STXBP5L: variants seen among roughly 807,000 people sequenced by gnomAD.
STXBP5L encodes the protein syntaxin binding protein 5L.
STXBP5L carries 65 observed loss-of-function variants against 144.5 expected under a neutral mutation model. The ratio of observed to expected loss-of-function variants is 0.45; its 90% CI spans 0.37 to 0.55. The LOEUF is 0.55. Ranked by LOEUF, STXBP5L falls within the 20% of genes least tolerant of loss-of-function variation. The pLI is 0.00. For synonymous variants in STXBP5L, 505 were observed against 469.6 expected, an observed-to-expected ratio of 1.08 and a Z score of -0.97; for missense variants, 1,298 against 1,405.5, an observed-to-expected ratio of 0.92 and a Z score of 1.22.
chr3:120,922,998 C>CT (rs1355649708), intron 2 of STXBP5L, among the ~76,000 whole-genome samples: 1 of 151,690 alleles, frequency 6.6e-6, no homozygotes, highest in Non-Finnish European at 1.5e-5. Context: ...TGGTGGGAGA[C>CT]TTTTTATTAC....
At chr3:121,190,715 G>A (rs185159378) in intron 9 of STXBP5L, among the ~76,000 whole-genome samples, 28 of 145,320 alleles carry the variant, frequency 1.9e-4, no homozygotes, top group African/African-American at 3.9e-4. Context: ...GCGGCTGGCC[G>A]GGCGGGGGCT....
chr3:121,210,853 G>A (rs2048534290), intron 10 of STXBP5L, among the ~76,000 whole-genome samples: 1 of 152,190 alleles, frequency 6.6e-6, no homozygotes, highest in Non-Finnish European at 1.5e-5. Flanking sequence ...ATAGTTTGAA[G>A]TCAAGTAGTG....
chr3:121,371,021 T>C (rs1053001173), intron 20 of STXBP5L, among the ~76,000 whole-genome samples: 2 of 152,210 alleles, frequency 1.3e-5, no homozygotes, highest in Non-Finnish European at 2.9e-5. Context: ...TTCAGCCATC[T>C]CAGCCCAGTT....
chr3:121,062,413 C>T (rs2041329246), intron 5 of STXBP5L, among the ~76,000 whole-genome samples: 1 of 152,130 alleles, frequency 6.6e-6, no homozygotes, highest in Non-Finnish European at 1.5e-5. Flanking sequence ...TTCTCAGTGG[C>T]TGAAGGAAAA....
Position 121,078,626 on chromosome 3 carries a change from A to T in STXBP5L, c.470+33091A>T, listed in dbSNP as rs542011815. ...GCTTGGGCCACACAGGAGCCCACGG[A>T]GTGGGGGAGGCTCAGGCATGGCCAG... On this transcript the variant is annotated intron_variant, in intron 5 of 26. Transcript: ENST00000471454. 2.5e-3 allele frequency among the ~76,000 whole-genome samples: 380 copies of T among 152,302 alleles called. 2 individuals carry two copies. Among genetic ancestry groups the T allele is most frequent in the Non-Finnish European group, 3.9e-3 (262 of 68,010 alleles).
chr3:121,318,931 C>T (rs1038727223), intron 20 of STXBP5L, among the ~76,000 whole-genome samples: 2 of 152,028 alleles, frequency 1.3e-5, no homozygotes, highest in African/African-American at 4.8e-5. Flanking sequence ...GATACCATTC[C>T]TCTAGACCAC....
intron 5 of STXBP5L, among the ~76,000 whole-genome samples, chr3:121,113,854 A>G (rs939995615): frequency 2.0e-5 from 3 of 151,360 alleles, no homozygotes; most frequent in African/African-American, 7.3e-5. Flanking sequence ...TTGTATTTTT[A>G]GTAGAGTCGG....
intron 9 of STXBP5L, among the ~76,000 whole-genome samples, chr3:121,175,871 A>T (rs918031949): frequency 2.0e-5 from 3 of 151,364 alleles, no homozygotes; most frequent in Non-Finnish European, 4.4e-5. Flanking sequence ...AAAAAAAAAG[A>T]TATAGCTTAC....
chr3:121,371,234 G>A (rs1576306284), intron 20 of STXBP5L, among the ~76,000 whole-genome samples: 1 of 152,056 alleles, frequency 6.6e-6, no homozygotes, highest in East Asian at 1.9e-4. Context: ...GGTATAATAT[G>A]GGCCCAGCTA....
At chr3:121,109,124 G>T (rs1467670408) in intron 5 of STXBP5L, among the ~76,000 whole-genome samples, 2 of 151,940 alleles carry the variant, frequency 1.3e-5, no homozygotes, top group Non-Finnish European at 2.9e-5. Flanking sequence ...GTATCAATTT[G>T]ATTCTTCCGT....
At chr3:121,079,319 A>T (rs949511555) in intron 5 of STXBP5L, among the ~76,000 whole-genome samples, 6 of 152,234 alleles carry the variant, frequency 3.9e-5, no homozygotes, top group African/African-American at 1.2e-4. Context: ...CTTGAGAGAA[A>T]CATGTCTTGC....
chr3:121,142,971 C>G lies in STXBP5L; in HGVS notation c.670-9506C>G, dbSNP rs184191400. Among the ~76,000 whole-genome samples the G allele has an allele frequency of 1.3e-4, 19 of 151,750 alleles. No homozygotes were observed. In the East Asian group the frequency reaches 3.7e-3, roughly 29 times the overall value. ...AGATCAACAAAATTGACAAACTCAG[C>G]TACACTAAGTAAAAAAGATTTAAAA... On this transcript the variant is annotated intron_variant, in intron 7 of 26. Coordinates refer to ENST00000471454, the MANE Select transcript of STXBP5L (RefSeq NM_001308330.2).
At chr3:121,081,345 G>A (rs1291441596) in intron 5 of STXBP5L, among the ~76,000 whole-genome samples, 1 of 152,004 alleles carries the variant, frequency 6.6e-6, no homozygotes, top group Non-Finnish European at 1.5e-5. Flanking sequence ...CTTGAATTTA[G>A]TTTTGATTGG....
chr3:121,123,608 C>T (rs984851353), intron 7 of STXBP5L, among the ~76,000 whole-genome samples: 1 of 150,058 alleles, frequency 6.7e-6, no homozygotes, highest in Non-Finnish European at 1.5e-5. Flanking sequence ...TCTGGGAGAA[C>T]ACTAAAGATT....
intron 20 of STXBP5L, among the ~76,000 whole-genome samples, chr3:121,325,777 G>C (rs1293716349): frequency 6.6e-6 from 1 of 151,716 alleles, no homozygotes; most frequent in East Asian, 1.9e-4. Context: ...AAGCAAACAA[G>C]GTATTTTTCA....
At chr3:121,272,130 G>A (rs895799443) in intron 18 of STXBP5L, among the ~76,000 whole-genome samples, 10 of 152,248 alleles carry the variant, frequency 6.6e-5, no homozygotes, top group African/African-American at 1.9e-4. Flanking sequence ...GTATGTGTCC[G>A]TTAGATCCAT....
intron 3 of STXBP5L, among the ~76,000 whole-genome samples, chr3:121,015,253 A>C (rs1945060782): frequency 6.6e-6 from 1 of 152,216 alleles, no homozygotes; most frequent in African/African-American, 2.4e-5. Context: ...TGGCTTAATA[A>C]TTTTAAAAAT....
At chr3:121,039,842 A>AT (rs1020814503) in intron 3 of STXBP5L, among the ~76,000 whole-genome samples, 6 of 151,418 alleles carry the variant, frequency 4.0e-5, no homozygotes, top group African/African-American at 9.7e-5. Context: ...CCCCTCAGTG[A>AT]TTTTTTTCTC....
chr3:121,331,988 C>T (rs1324266874), intron 20 of STXBP5L, among the ~76,000 whole-genome samples: 1 of 151,446 alleles, frequency 6.6e-6, no homozygotes, highest in Non-Finnish European at 1.5e-5. Context: ...GAAACTCATA[C>T]AGAGTCTTCA....
Sources: allele counts gnomAD v4.1 joint callset (sites outside exome capture counted in the v4.1 genomes callset), GRCh38; gene constraint gnomAD v4.1.1; transcripts MANE v1.5; gene names NCBI Gene and HGNC (gene_info 2026-07-23, HGNC 2026-07-21).